PREX2: variants seen among roughly 807,000 people sequenced by gnomAD.
PREX2 encodes the protein phosphatidylinositol-3,4,5-trisphosphate dependent Rac exchange factor 2.
PREX2 carries 107 observed loss-of-function variants against 203.2 expected under a neutral mutation model. The observed-to-expected ratio is 0.53, with a 90% CI of 0.45 to 0.62. The LOEUF is 0.62. PREX2 is among the 20% of genes least tolerant of loss of function. The probability of loss-of-function intolerance (pLI) is 0.00; values close to 1 mark genes in which losing one functional copy is unlikely to be tolerated. For synonymous variants in PREX2, 672 were observed against 663.6 expected (o/e 1.01, Z -0.19); for missense variants, 1,777 against 1,955.9 (o/e 0.91, Z 1.72).
intron 38 of PREX2, among the ~76,000 whole-genome samples, chr8:68,220,727 A>G (rs968370635): frequency 6.6e-6 from 1 of 152,164 alleles, no homozygotes; most frequent in African/African-American, 2.4e-5. Context: ...TTTTTGTATC[A>G]CAGTTTCCCA....
intron 1 of PREX2, among the ~76,000 whole-genome samples, chr8:68,009,107 C>T (rs895074247): frequency 6.6e-6 from 1 of 152,160 alleles, no homozygotes; most frequent in African/African-American, 2.4e-5. Flanking sequence ...GAGTAGCCGT[C>T]GGGCAGCGAC....
At chr8:68,212,274 A>C (rs1812755397) in intron 37 of PREX2, among the ~76,000 whole-genome samples, 1 of 152,190 alleles carries the variant, frequency 6.6e-6, no homozygotes, top group Non-Finnish European at 1.5e-5. Flanking sequence ...GTACCATTCC[A>C]CTTTCTAATC....
At chr8:68,069,266 G>A (rs1379642237) in intron 12 of PREX2, 130 bp downstream of exon 12, 7 of 570,214 alleles carry the variant, frequency 1.2e-5, no homozygotes, top group African/African-American at 2.0e-5. Flanking sequence ...ATACAAGCAA[G>A]CCTCTTTATT....
chr8:68,057,341 CTTAT>C (rs1232353994), intron 10 of PREX2, among the ~76,000 whole-genome samples: 3 of 152,122 alleles, frequency 2.0e-5, no homozygotes, highest in African/African-American at 7.2e-5. Flanking sequence ...GTCGTGGGTA[CTTAT>C]TTATAGTAGT....
intron 1 of PREX2, among the ~76,000 whole-genome samples, chr8:67,975,979 G>A (rs1182459722): frequency 6.6e-6 from 1 of 151,316 alleles, no homozygotes; most frequent in Non-Finnish European, 1.5e-5. Flanking sequence ...GCCTCCCAAA[G>A]TGCTGGGATT....
chr8:68,082,653 T>C (rs998550443), intron 17 of PREX2: 1 of 152,302 alleles, frequency 6.6e-6, no homozygotes, highest in African/African-American at 2.4e-5. Flanking sequence ...TTATAGGCAG[T>C]AAGGCTGGTT....
chr8:68,065,271 A>G (rs866000638), intron 11 of PREX2, among the ~76,000 whole-genome samples: 2 of 152,252 alleles, frequency 1.3e-5, no homozygotes, highest in Non-Finnish European at 2.9e-5. Context: ...GTTTTGGAAT[A>G]TCAAGACAAT....
intron 26 of PREX2, among the ~76,000 whole-genome samples, chr8:68,116,778 T>C (rs190381712): frequency 6.6e-6 from 1 of 152,336 alleles, no homozygotes; most frequent in East Asian, 1.9e-4. Context: ...AGTCACATTC[T>C]GAGGTACTAG....
rs371017502 is a variant in PREX2, at chr8:68,173,843, G to A, written c.4346+16407G>A. 2.1e-4 allele frequency among the ~76,000 whole-genome samples: 32 copies of A among 152,202 alleles called. 1 individual carries two copies. The highest frequency in any genetic ancestry group is 1.9e-3 in the East Asian group (10 of 5,178). ...AGCTATTGTTTTCACCAAAGCAAAG[G>A]GAAGATCAAAGTATTTGTGCTCTGA... is the stretch of plus-strand genomic sequence containing the variant. On this transcript the variant is annotated intron_variant, in intron 35 of 39. Coordinates refer to ENST00000288368, the MANE Select transcript of PREX2 (RefSeq NM_024870.4).
intron 11 of PREX2, among the ~76,000 whole-genome samples, chr8:68,065,556 G>A (rs554467341): frequency 1.6e-4 from 25 of 152,294 alleles, no homozygotes; most frequent in Admixed American, 1.4e-3. Flanking sequence ...ACATATGTAT[G>A]TGTGTGTTTA....
chr8:68,192,606 A>C lies in PREX2; in HGVS notation c.4604+81A>C. ...GTTTTTGTTTACATTTTGGCTTCAC[A>C]AAATTAAAACTGGAAACATTCAAAG... is the stretch of plus-strand genomic sequence containing the variant. On this transcript the variant is annotated intron_variant, in intron 37 of 39. Coordinates refer to ENST00000288368, the MANE Select transcript of PREX2 (RefSeq NM_024870.4). 2.6e-6 allele frequency: 3 copies of C among 1,140,820 alleles called. No homozygotes were observed. In the Admixed American group the frequency reaches 8.4e-5, roughly 32 times the overall value. The allele number at this position is 1,140,820 out of a possible 1,614,324, so 70.7% of individuals were successfully genotyped here. A position where few individuals can be genotyped will look rare whatever the true frequency, so the allele number is the denominator to read the frequency against.
rs145593763 is a variant in PREX2 at position 68,208,382 on chromosome 8, A to G, written c.4605-9234A>G. On this transcript the variant is annotated intron_variant, in intron 37 of 39. Transcript: ENST00000288368. ...ACGAAACAAAGATTTTTGGAAAGCA[A>G]TAATTTTAATCCTGACCACACCCAC... Among the ~76,000 whole-genome samples, 795 of 152,304 alleles carry G rather than the reference A, an allele frequency of 5.2e-3. 9 individuals carry two copies. Among genetic ancestry groups the G allele is most frequent in the African/African-American group, 0.018 (766 of 41,570 alleles).
intron 37 of PREX2, among the ~76,000 whole-genome samples, chr8:68,197,763 TTATATATATGC>T (rs992266965): frequency 5.4e-5 from 8 of 148,282 alleles, no homozygotes; most frequent in East Asian, 3.9e-4. Context: ...ATATGCTATA[TTATATATATGC>T]TATATATATG....
intron 34 of PREX2, among the ~76,000 whole-genome samples, chr8:68,152,016 G>A (rs1014967888): frequency 4.0e-5 from 6 of 151,678 alleles, no homozygotes; most frequent in African/African-American, 7.3e-5. Context: ...TTGGCCAGGC[G>A]TGGTGGCTCA....
Position 68,019,650 on chromosome 8 carries a change from G to A in PREX2, c.315G>A (p.Val105=). 1 of 1,609,000 alleles carries A rather than the reference G, an allele frequency of 6.2e-7. No homozygotes were observed. The highest frequency in any genetic ancestry group is 8.5e-7 in the Non-Finnish European group (1 of 1,178,776). The change falls in exon 3 of 40, where the codon GTG becomes GTA. Residue 105 remains valine, a synonymous_variant. Transcript: ENST00000288368. Reference sequence around the variant, plus strand: ...CCGAACCTAATGCTCAACAAGAAGTGGGAACCTGCTTTCTTCACTTTGTAG... The same window carrying A: ...CCGAACCTAATGCTCAACAAGAAGTAGGAACCTGCTTTCTTCACTTTGTAG... ...LHPEPNAQQE[V]GTCFLHFKDK...
intron 14 of PREX2, among the ~76,000 whole-genome samples, chr8:68,076,724 C>T (rs904401088): frequency 6.9e-6 from 1 of 145,892 alleles, no homozygotes; most frequent in Non-Finnish European, 1.5e-5. Context: ...CACACACACA[C>T]ATGCATGTTC....
intron 4 of PREX2, among the ~76,000 whole-genome samples, chr8:68,024,575 T>C (rs2129610348): frequency 6.6e-6 from 1 of 152,154 alleles, no homozygotes; most frequent in Middle Eastern, 3.4e-3. Flanking sequence ...AGATGGCATA[T>C]TGTTGGGTCT....
intron 32 of PREX2, among the ~76,000 whole-genome samples, chr8:68,137,788 TA>T (rs1216077465): frequency 6.6e-6 from 1 of 152,178 alleles, no homozygotes; most frequent in Non-Finnish European, 1.5e-5. Context: ...TATAAAACTA[TA>T]TGCTATAAGA....
At chr8:68,155,949 T>A (rs1811536245) in intron 34 of PREX2, among the ~76,000 whole-genome samples, 1 of 152,218 alleles carries the variant, frequency 6.6e-6, no homozygotes, top group African/African-American at 2.4e-5. Context: ...TTTCTAAGAT[T>A]TCAATTTATA....
Sources: allele counts gnomAD v4.1 joint callset (sites outside exome capture counted in the v4.1 genomes callset), GRCh38; gene constraint gnomAD v4.1.1; transcripts MANE v1.5; gene names NCBI Gene and HGNC (gene_info 2026-07-23, HGNC 2026-07-21).